Variants in ME2 observed in about 807,000 individuals in gnomAD.
ME2 encodes the protein NAD-dependent malic enzyme, mitochondrial.
In ME2, 60 loss-of-function variants were observed where a neutral mutation model predicts 73.7. That is an observed-to-expected ratio of 0.81 (90% confidence interval 0.66 to 1.01). ME2 has a LOEUF of 1.01. ME2 is among the 50% of genes least tolerant of loss of function. ME2 has a pLI of 0.00. For missense variants in ME2, 594 were observed against 705.5 expected, an observed-to-expected ratio of 0.84 and a Z score of 1.79; for synonymous variants, 199 against 236.9, an observed-to-expected ratio of 0.84 and a Z score of 1.47.
rs1455194420 is a variant in ME2, at chr18:50,917,447, G to A, written c.569G>A (p.Cys190Tyr). 3 of 1,613,498 alleles carry A rather than the reference G, an allele frequency of 1.9e-6. No individual in the cohort carries two copies. Among genetic ancestry groups the A allele is most frequent in the African/African-American group, 2.7e-5 (2 of 74,890 alleles). Residue 190 changes from cysteine to tyrosine, a missense_variant, in exon 6 of 16, where the codon TGT (cysteine) becomes TAT (tyrosine). Transcript: ENST00000321341. ...GGAAAACTTTGTTTGTATACAGCTTGTGCAGGAATACGGCCTGATAGATGC... is the reference window on the plus strand; with the variant it reads ...GGAAAACTTTGTTTGTATACAGCTTATGCAGGAATACGGCCTGATAGATGC... ...PVGKLCLYTA[C>Y]AGIRPDRCLP...
chr18:50,918,997 A>G (rs903527829), intron 7 of ME2, among the ~76,000 whole-genome samples: 3 of 152,128 alleles, frequency 2.0e-5, no homozygotes, highest in Non-Finnish European at 2.9e-5. Context: ...TGGCAGTAAC[A>G]TTCATCCTGT....
chr18:50,908,158 T>C lies in ME2; in HGVS notation c.204T>C (p.Phe68=), dbSNP rs974650949. 6.2e-7 allele frequency: 1 copy of C among 1,604,850 alleles called. No individual in the cohort carries two copies. Among genetic ancestry groups the C allele is most frequent in the South Asian group, 1.1e-5 (1 of 88,606 alleles). ...IETQDIQALR[F]HRNLKKMTSP... ...CACAAGATATTCAAGCCTTACGATT[T>C]CATAGAAACTTGAAGAAAATGACTA... Residue 68 remains phenylalanine, a synonymous_variant, in exon 3 of 16, where the codon TTT becomes TTC. Coordinates refer to ENST00000321341, the MANE Select transcript of ME2 (RefSeq NM_002396.5).
chr18:50,933,740 A>G (rs1917751906), intron 13 of ME2: 1 of 151,788 alleles, frequency 6.6e-6, no homozygotes, highest in Non-Finnish European at 1.5e-5. Context: ...AGGGGGTTTC[A>G]TGTATAGATT....
intron 15 of ME2, among the ~76,000 whole-genome samples, chr18:50,941,567 G>A (rs2144270545): frequency 6.6e-6 from 1 of 150,502 alleles, no homozygotes; most frequent in African/African-American, 2.4e-5. Context: ...TAGAGACGGG[G>A]TTTCACCATG....
chr18:50,938,146 A>G (rs1917858707), intron 13 of ME2, among the ~76,000 whole-genome samples: 1 of 152,104 alleles, frequency 6.6e-6, no homozygotes, highest in Non-Finnish European at 1.5e-5. Context: ...TGGGCAACAT[A>G]GTAAAACCCT....
chr18:50,924,001 T>C lies in ME2; in HGVS notation c.1057-97T>C, dbSNP rs796085398. 2.5e-5 allele frequency: 18 copies of C among 708,190 alleles called. No individual in the cohort carries two copies. In the African/African-American group the frequency reaches 3.2e-4, roughly 13 times the overall value. The allele number at this position is 708,190 out of a possible 1,614,324, so 43.9% of individuals were successfully genotyped here. ...GTAAATGAAAATGAAAAGACATTTC[T>C]ATTGTAGAAACAATGTGTAACTCAT... On this transcript the variant is annotated intron_variant, in intron 10 of 15. Transcript: ENST00000321341.
intron 12 of ME2, among the ~76,000 whole-genome samples, chr18:50,928,459 C>G (rs1039484848): frequency 1.3e-5 from 2 of 150,004 alleles, no homozygotes; most frequent in Non-Finnish European, 3.0e-5. Flanking sequence ...AGGATGGTCT[C>G]GATTTCCTGA....
At position 50,947,347 on chromosome 18, in the gene ME2, G is replaced by A. The variant is rs1456514309; in HGVS notation, c.*163G>A. On this transcript the variant is annotated 3_prime_UTR_variant, in exon 16 of 16. Transcript: ENST00000321341. ...CGTCTCCACATCTGTTGGGGTAGACGTGTTGATTGATTGCATTGCCCACCA... is the reference window on the plus strand; with the variant it reads ...CGTCTCCACATCTGTTGGGGTAGACATGTTGATTGATTGCATTGCCCACCA... 2.8e-5 allele frequency: 18 copies of A among 638,992 alleles called. No homozygotes were observed. Among genetic ancestry groups the A allele is most frequent in the South Asian group, 8.3e-5 (4 of 47,924 alleles). 39.6% of individuals were successfully genotyped at this position (638,992 alleles called of 1,614,324 possible).
intron 3 of ME2, 90 bp downstream of exon 3, chr18:50,908,286 A>T: frequency 1.1e-6 from 1 of 902,694 alleles, no homozygotes. Context: ...AGAAATACAC[A>T]ATCTTATATA....
At chr18:50,893,124 C>CAAAAAAAAAAAAAAAAAAAAAAAAAA (rs56104427) in intron 1 of ME2, among the ~76,000 whole-genome samples, 5 of 78,122 alleles carry the variant, frequency 6.4e-5, no homozygotes, top group African/African-American at 1.8e-4. Context: ...GACTCTATCT[C>CAAAAAAAAAAAAAAAAAAAAAAAAAA]AAAAAAAAAA....
chr18:50,912,003 T>C (rs1425598607), intron 3 of ME2, among the ~76,000 whole-genome samples: 2 of 152,138 alleles, frequency 1.3e-5, no homozygotes, highest in Non-Finnish European at 2.9e-5. Context: ...ATGGATATAT[T>C]TGAAAGCTAC....
intron 13 of ME2, chr18:50,933,910 C>A (rs552437214): frequency 3.9e-5 from 6 of 152,150 alleles, no homozygotes; most frequent in African/African-American, 1.4e-4. Context: ...TGAGAACATA[C>A]GGCATTTGGT....
At chr18:50,913,746 G>C (rs186121124) in intron 4 of ME2, among the ~76,000 whole-genome samples, 56 of 152,002 alleles carry the variant, frequency 3.7e-4, no homozygotes, top group African/African-American at 1.2e-3. Context: ...TGAATGAGTC[G>C]CGTGATCCCC....
At chr18:50,894,378 A>AC (rs1012522855) in intron 1 of ME2, among the ~76,000 whole-genome samples, 1 of 151,672 alleles carries the variant, frequency 6.6e-6, no homozygotes, top group African/African-American at 2.4e-5. Flanking sequence ...AGCCTGGCCA[A>AC]CATGGTGAAA....
chr18:50,924,675 T>C (rs973375207), intron 11 of ME2, among the ~76,000 whole-genome samples: 2 of 152,032 alleles, frequency 1.3e-5, no homozygotes, highest in African/African-American at 2.4e-5. Context: ...GCTGTATAGC[T>C]GTAAGTTTTT....
At chr18:50,899,429 T>TA (rs1302381328) in intron 2 of ME2, among the ~76,000 whole-genome samples, 2 of 152,098 alleles carry the variant, frequency 1.3e-5, no homozygotes, top group African/African-American at 4.8e-5. Context: ...GCCTGGTCTC[T>TA]ACCAGCCTGA....
chr18:50,931,337 T>G (rs1367404243), intron 12 of ME2, among the ~76,000 whole-genome samples: 1 of 152,250 alleles, frequency 6.6e-6, no homozygotes, highest in African/African-American at 2.4e-5. Flanking sequence ...ATAGCATCAT[T>G]GAAAACCTGT....
chr18:50,886,246 ATT>A (rs34895453), intron 1 of ME2, among the ~76,000 whole-genome samples: 3 of 142,746 alleles, frequency 2.1e-5, no homozygotes, highest in Non-Finnish European at 1.5e-5. Flanking sequence ...GGTAAGTTAG[ATT>A]TTTTTTTTTT....
intron 1 of ME2, among the ~76,000 whole-genome samples, chr18:50,894,973 T>A (rs1916701676): frequency 6.6e-6 from 1 of 151,936 alleles, no homozygotes. Flanking sequence ...AAAAAAATCC[T>A]TATGTAAATG....
Sources: gnomAD v4.1 joint callset for allele counts (sites outside exome capture counted in the v4.1 genomes callset) on GRCh38, gnomAD v4.1.1 for gene constraint, MANE v1.5 for transcripts, NCBI Gene and HGNC (gene_info 2026-07-23, HGNC 2026-07-21) for gene names.